The following ADAMTS13 variants were observed in gnomAD, a reference collection of about 807,000 sequenced individuals.
The protein encoded by ADAMTS13 is A disintegrin and metalloproteinase with thrombospondin motifs 13.
Under a neutral mutation model 155.1 loss-of-function variants are expected in ADAMTS13, and 110 were observed. The observed-to-expected ratio is 0.71, with a 90% CI of 0.61 to 0.83. ADAMTS13 has a LOEUF of 0.83. Ranked by LOEUF, ADAMTS13 falls within the 40% of genes least tolerant of loss-of-function variation. ADAMTS13 has a pLI of 0.00. For synonymous variants in ADAMTS13, 758 were observed against 756.4 expected, an observed-to-expected ratio of 1.00 and a Z score of -0.03; for missense variants, 1,707 against 1,891.7, an observed-to-expected ratio of 0.90 and a Z score of 1.81.
intron 11 of ADAMTS13, among the ~76,000 whole-genome samples, chr9:133,436,346 G>C (rs1475361294): frequency 1.4e-5 from 2 of 144,030 alleles, no homozygotes; most frequent in African/African-American, 4.9e-5. Flanking sequence ...AGCACAGGGT[G>C]GTGGGATTTC....
At position 133,435,576 on chromosome 9, in the gene ADAMTS13, C is replaced by T. The variant is rs1841131270; in HGVS notation, c.1309-1253C>T. On this transcript the variant is annotated intron_variant, in intron 11 of 28. Transcript: ENST00000355699. ...ATGGAGTCTCGCTCTGTCGCCCAAG[C>T]TGGAGTGCGGTGGCGCGATCTCGGC... 4.0e-5 allele frequency among the ~76,000 whole-genome samples: 6 copies of T among 149,938 alleles called. No individual in the cohort carries two copies. In the South Asian group the frequency reaches 1.3e-3, roughly 31 times the overall value.
At chr9:133,447,083 G>C (rs587619148) in intron 21 of ADAMTS13, among the ~76,000 whole-genome samples, 1 of 152,230 alleles carries the variant, frequency 6.6e-6, no homozygotes, top group South Asian at 2.1e-4. Flanking sequence ...CCAAACTCTT[G>C]ACCTCAGGTG....
At chr9:133,430,660 A>G (rs1554787072) in intron 8 of ADAMTS13, among the ~76,000 whole-genome samples, 1 of 151,364 alleles carries the variant, frequency 6.6e-6, no homozygotes, top group Non-Finnish European at 1.5e-5. Context: ...ATAAAGTTTT[A>G]TGTGTTACTA....
intron 12 of ADAMTS13, 44 bp downstream of exon 12, chr9:133,436,999 G>A (rs782712014): frequency 6.3e-7 from 1 of 1,575,938 alleles, no homozygotes; most frequent in South Asian, 1.2e-5. Context: ...GCCAGCCCTG[G>A]AGACCCTCGG....
intron 28 of ADAMTS13, 53 bp from the exon 29 acceptor site, chr9:133,458,921 A>G: frequency 6.6e-7 from 1 of 1,519,890 alleles, no homozygotes; most frequent in South Asian, 1.2e-5. Context: ...GGCTTCCGTG[A>G]GTGCTAATTA....
intron 27 of ADAMTS13, chr9:133,457,156 C>T (rs1554796347): frequency 3.8e-6 from 1 of 261,298 alleles, no homozygotes; most frequent in African/African-American, 2.3e-5. Context: ...CAGAGGATGC[C>T]ACCTCAGGGA....
rs36222901 is a variant in ADAMTS13, at chr9:133,456,878, G to C, written c.3724+159G>C. Reference sequence around the variant, plus strand: ...AACTGGGGTTGGCCAGTGTCAGTCTGCACGTGCCAGGGAGGGGTCACAGGA... The same window carrying C: ...AACTGGGGTTGGCCAGTGTCAGTCTCCACGTGCCAGGGAGGGGTCACAGGA... On this transcript the variant is annotated intron_variant, in intron 27 of 28. Coordinates refer to ENST00000355699, the MANE Select transcript of ADAMTS13 (RefSeq NM_139027.6). The surrounding 1 kb of genome is among the most constrained non-coding windows in gnomAD (Gnocchi z 4.4). 733 of 924,164 alleles carry C rather than the reference G, an allele frequency of 7.9e-4. 4 individuals carry two copies. In the African/African-American group the frequency reaches 0.01, roughly 13 times the overall value. 57.2% of individuals were successfully genotyped at this position (924,164 alleles called of 1,614,324 possible).
intron 24 of ADAMTS13, among the ~76,000 whole-genome samples, 164 bp from the exon 25 acceptor site, chr9:133,455,121 G>A (rs907034353): frequency 2.6e-5 from 4 of 152,128 alleles, no homozygotes; most frequent in Non-Finnish European, 4.4e-5. Flanking sequence ...CCCATGCAAG[G>A]TGCCCTCTCT....
Position 133,437,724 on chromosome 9 carries a change from A to C in ADAMTS13, c.1436-25A>C, listed in dbSNP as rs782322638. ...TTGCCCCTCCTGCTCGGTTCAGGAC[A>C]CCCTTTTTCACTCTGCCCTCCCAGG... On this transcript the variant is annotated intron_variant, in intron 12 of 28. Transcript: ENST00000355699. The C allele has an allele frequency of 7.4e-6, 12 of 1,613,442 alleles. 1 individual carries two copies. In the South Asian group the frequency reaches 1.3e-4, roughly 18 times the overall value.
rs781851634 is a variant in ADAMTS13 at position 133,459,186 on chromosome 9, A to G, written c.*6A>G. On this transcript the variant is annotated 3_prime_UTR_variant, in exon 29 of 29. Transcript: ENST00000355699. ...AGGGAAAGGAAGGAACCTGAGGGTC[A>G]TTGAACATTTGTTCCGTGTCTGGCC... 1.2e-6 allele frequency: 2 copies of G among 1,604,270 alleles called. No individual in the cohort carries two copies. The highest frequency in any genetic ancestry group is 2.2e-5 in the East Asian group (1 of 44,496).
At chr9:133,432,481 G>T in intron 8 of ADAMTS13, 107 bp from the exon 9 acceptor site, 1 of 988,522 alleles carries the variant, frequency 1.0e-6, no homozygotes. Context: ...CAGAGTGTTG[G>T]CTGTGTCAGT....
In ADAMTS13 at chr9:133,447,359, T is replaced by G. The variant is rs1280282845; in HGVS notation, c.2732-1240T>G. Among the ~76,000 whole-genome samples the G allele has an allele frequency of 2.6e-5, 4 of 152,132 alleles. No individual in the cohort carries two copies. The East Asian group carries it at 7.7e-4, about 29-fold the overall frequency. On this transcript the variant is annotated intron_variant, in intron 21 of 28. Coordinates refer to ENST00000355699, the MANE Select transcript of ADAMTS13 (RefSeq NM_139027.6). Reference sequence around the variant, plus strand: ...CAGGTTGGAGTGTAGTGGCACAATCTTAGCTCACTACAACCTCCACCACCT... The same window carrying G: ...CAGGTTGGAGTGTAGTGGCACAATCGTAGCTCACTACAACCTCCACCACCT...
chr9:133,436,890 C>T lies in ADAMTS13; in HGVS notation c.1370C>T (p.Pro457Leu), dbSNP rs36220240. 3,363 of 1,587,272 alleles carry T rather than the reference C, an allele frequency of 2.1e-3. 10 individuals are homozygous for T. The highest frequency in any genetic ancestry group is 2.4e-3 in the Non-Finnish European group (2,744 of 1,167,554). The stretch of plus-strand genomic sequence containing the variant: ...CAGTGCGCCAGGACCGACGGCCAGC[C>T]GCTGCGCTCCTCCCCTGGCGGCGCC... ...SQQCARTDGQ[P>L]LRSSPGGASF... Residue 457 changes from proline to leucine, a missense_variant, in exon 12 of 29, where the codon CCG (proline) becomes CTG (leucine). Pro to Leu is a moderately conservative substitution (Grantham distance 98). This residue lies in a region of ADAMTS13 where 733 missense variants were observed against 749.6 expected (regional missense o/e 0.98). Coordinates refer to ENST00000355699, the MANE Select transcript of ADAMTS13 (RefSeq NM_139027.6).
At chr9:133,438,558 T>C (rs1841424161) in intron 14 of ADAMTS13, among the ~76,000 whole-genome samples, 192 bp downstream of exon 14, 1 of 152,134 alleles carries the variant, frequency 6.6e-6, no homozygotes, top group South Asian at 2.1e-4. Flanking sequence ...GGTTTTGGCC[T>C]TGATGCTGCT....
chr9:133,424,345 A>C lies in ADAMTS13; in HGVS notation c.197A>C (p.Gln66Pro). Residue 66 changes from glutamine (Q) to proline (P), a missense_variant, in exon 3 of 29, where the codon CAG becomes CCG. Gln to Pro is a moderately conservative substitution (Grantham distance 76). Transcript: ENST00000355699. This position sits in a 1 kb window ranked among gnomAD's most constrained non-coding sequence, Gnocchi z 4.3. Reference sequence around the variant, plus strand: ...GGCCGCCCTCCTTCCCCTGGCTTCCAGAGGCAGAGGCAGAGGCAGAGGCGG... The same window carrying C: ...GGCCGCCCTCCTTCCCCTGGCTTCCCGAGGCAGAGGCAGAGGCAGAGGCGG... Reference protein sequence around the residue: ...LKGRPPSPGFQRQRQRQRRAA... With the variant: ...LKGRPPSPGFPRQRQRQRRAA... 6.2e-7 allele frequency: 1 copy of C among 1,612,464 alleles called. No individual in the cohort carries two copies. The highest frequency in any genetic ancestry group is 8.5e-7 in the Non-Finnish European group (1 of 1,179,632).
At position 133,443,401 on chromosome 9, in the gene ADAMTS13, T is replaced by C. The variant is rs1554791473; in HGVS notation, c.2260T>C (p.Cys754Arg). The part of the protein sequence containing the change: ...PYWAVGDFGP[C>R]SASCGGGLRE... ...CTGGGCGGTGGGAGACTTCGGCCCATGCAGCGCCTCCTGTGGGGGTGGCCT... is the reference window on the plus strand; with the variant it reads ...CTGGGCGGTGGGAGACTTCGGCCCACGCAGCGCCTCCTGTGGGGGTGGCCT... Residue 754 changes from cysteine to arginine, a missense_variant, in exon 19 of 29, where the codon TGC (cysteine) becomes CGC (arginine). Cys to Arg is a radical substitution (Grantham distance 180). Around this residue, in one of 3 missense-constraint regions of ADAMTS13, gnomAD observed 961 missense variants for 1,107.9 expected, o/e 0.87. Coordinates refer to ENST00000355699, the MANE Select transcript of ADAMTS13 (RefSeq NM_139027.6). 3 of 1,598,838 alleles carry C rather than the reference T, an allele frequency of 1.9e-6. No homozygotes were observed. The highest frequency in any genetic ancestry group is 2.5e-6 in the Non-Finnish European group (3 of 1,177,794).
chr9:133,450,339 C>T (rs912384717), intron 23 of ADAMTS13, among the ~76,000 whole-genome samples: 9 of 151,952 alleles, frequency 5.9e-5, no homozygotes, highest in South Asian at 2.1e-4. Flanking sequence ...GAGGCTGAGG[C>T]GGGCAGATCA....
chr9:133,453,779 C>T lies in ADAMTS13; in HGVS notation c.3045-636C>T, dbSNP rs143048323. Among the ~76,000 whole-genome samples the T allele has an allele frequency of 1.1e-4, 17 of 152,316 alleles. 1 individual carries two copies. Among genetic ancestry groups the T allele is most frequent in the South Asian group, 2.1e-4 (1 of 4,824 alleles). On this transcript the variant is annotated intron_variant, in intron 23 of 28. Coordinates refer to ENST00000355699, the MANE Select transcript of ADAMTS13 (RefSeq NM_139027.6). The stretch of plus-strand genomic sequence containing the variant: ...TGATGCCCCAATGGAGAACAATCCA[C>T]GCTCTGAGAGGAGGTGGGGTCTGGT...
intron 7 of ADAMTS13, 125 bp from the exon 8 acceptor site, chr9:133,429,814 T>C: frequency 7.7e-7 from 1 of 1,300,080 alleles, no homozygotes; most frequent in Non-Finnish European, 1.1e-6. Flanking sequence ...GGCCGAGAAC[T>C]CCTGTTCCCA....
Sources: gnomAD v4.1 joint callset for allele counts (sites outside exome capture counted in the v4.1 genomes callset) on GRCh38, gnomAD v4.1.1 for gene constraint, gnomAD v4.1.1 regional missense constraint, Gnocchi (gnomAD v3.1) non-coding constraint, MANE v1.5 for transcripts, NCBI Gene and HGNC (gene_info 2026-07-23, HGNC 2026-07-21) for gene names.